The following ZNF81 variants were observed in gnomAD, a reference collection of about 807,000 sequenced individuals.
The protein encoded by ZNF81 is zinc finger protein 81 (HFZ20).
A neutral mutation model predicts 32.3 loss-of-function variants in ZNF81; 5 were observed. The observed-to-expected ratio is 0.15, with a 90% CI of 0.08 to 0.33. The LOEUF is 0.33. Among genes scored for constraint, ZNF81 ranks in the 10% least tolerant of loss-of-function variants. The pLI, the probability that ZNF81 is intolerant of heterozygous loss-of-function variation, is 1.00. For missense variants in ZNF81, 379 were observed against 479.8 expected, an observed-to-expected ratio of 0.79 and a Z score of 1.96; for synonymous variants, 163 against 166.8, an observed-to-expected ratio of 0.98 and a Z score of 0.17.
Position 47,914,996 on chromosome X carries a change from G to T in ZNF81, c.350G>T (p.Gly117Val), listed in dbSNP as rs17147793. 2,591 of 1,204,611 alleles carry T rather than the reference G, an allele frequency of 2.2e-3. 36 individuals carry two copies. In the African/African-American group the frequency reaches 0.041, roughly 19 times the overall value. Reference sequence around the variant, plus strand: ...TCTACATTTCATAGTGAAATGGAGGGTGAAGACACAAGAGATGATTCATTA... The same window carrying T: ...TCTACATTTCATAGTGAAATGGAGGTTGAAGACACAAGAGATGATTCATTA... ...GKSTFHSEME[G>V]EDTRDDSLYS... is the part of the protein sequence containing the mutation. The change falls in exon 5 of 5, where the codon GGT (glycine) becomes GTT (valine). Residue 117 changes from glycine (G) to valine (V), a missense_variant. Around this residue, in one of 2 missense-constraint regions of ZNF81, gnomAD observed 277 missense variants for 306.6 expected, o/e 0.90. Transcript: ENST00000338637.
rs782443135 is a variant in ZNF81, at chrX:47,875,249, T to G, written c.55-12750T>G. 1.0e-3 allele frequency among the ~76,000 whole-genome samples: 115 copies of G among 112,440 alleles called. 2 individuals carry two copies. Among genetic ancestry groups the G allele is most frequent in the Admixed American group, 3.2e-3 (34 of 10,657 alleles). On this transcript the variant is annotated intron_variant, in intron 2 of 4. Coordinates refer to ENST00000338637, the MANE Select transcript of ZNF81 (RefSeq NM_007137.5). ...AATCCTTCCAAATAATTTTTAGCTT[T>G]CTTCTTAGAATGACATTCATCCCAT...
chrX:47,889,757 G>A (rs188421949), intron 3 of ZNF81, among the ~76,000 whole-genome samples: 22 of 111,703 alleles, frequency 2.0e-4, no homozygotes, highest in African/African-American at 4.2e-4. Context: ...CAATCATGGC[G>A]GAAGGCAAAG....
In ZNF81 at chrX:47,846,296, C is replaced by T. The variant is rs782369848; in HGVS notation, c.29C>T (p.Pro10Leu). 9.1e-6 allele frequency: 11 copies of T among 1,209,789 alleles called. No homozygotes were observed. In the South Asian group the frequency reaches 2.0e-4, roughly 21 times the overall value. MPANEDAPQPGEHGSACEVS... is the reference protein window; with the variant it reads MPANEDAPQLGEHGSACEVS... The stretch of plus-strand genomic sequence containing the variant: ...CCAGCTAACGAGGACGCTCCCCAGC[C>T]AGGGGAACATGGCAGTGCCTGTGAG... Residue 10 changes from proline (P) to leucine (L), a missense_variant, in exon 2 of 5, where the codon CCA (proline) becomes CTA (leucine). This residue lies in a region of ZNF81 where 277 missense variants were observed against 306.6 expected (regional missense o/e 0.90). Coordinates refer to ENST00000338637, the MANE Select transcript of ZNF81 (RefSeq NM_007137.5).
rs1556891463 is a variant in ZNF81 at position 47,919,000 on chromosome X, A to G, written c.*2368A>G. On this transcript the variant is annotated 3_prime_UTR_variant, in exon 5 of 5. Coordinates refer to ENST00000338637, the MANE Select transcript of ZNF81 (RefSeq NM_007137.5). Reference sequence around the variant, plus strand: ...GTAACTTGTCATTTAGCTCACAGGTATCTGGATCAAGAAACTGAAAAACTG... The same window carrying G: ...GTAACTTGTCATTTAGCTCACAGGTGTCTGGATCAAGAAACTGAAAAACTG... The G allele has an allele frequency of 7.5e-6, 2 of 265,287 alleles. No homozygotes were observed. The highest frequency in any genetic ancestry group is 2.0e-4 in the East Asian group (2 of 9,764). The allele number at this position is 265,287 out of a possible 1,213,427, so 21.9% of individuals were successfully genotyped here.
intron 1 of ZNF81, 86 bp from the exon 2 acceptor site, chrX:47,846,019 G>A (rs2058468815): frequency 4.3e-6 from 2 of 466,469 alleles, no homozygotes; most frequent in African/African-American, 2.4e-5. Context: ...AGTATCCAGT[G>A]CAGTGAACTG....
intron 2 of ZNF81, among the ~76,000 whole-genome samples, chrX:47,867,172 G>C (rs148597942): frequency 4.4e-4 from 49 of 111,467 alleles, no homozygotes; most frequent in African/African-American, 1.6e-3. Context: ...CTAGGTGATG[G>C]GTTGATAGGT....
At chrX:47,857,731 T>C (rs2058523115) in intron 2 of ZNF81, among the ~76,000 whole-genome samples, 2 of 111,431 alleles carry the variant, frequency 1.8e-5, no homozygotes, top group South Asian at 7.4e-4. Context: ...CCTTATCCAC[T>C]CCCAGCCAAG....
chrX:47,885,111 G>A (rs782589902), intron 2 of ZNF81, among the ~76,000 whole-genome samples: 66 of 112,286 alleles, frequency 5.9e-4, no homozygotes, highest in African/African-American at 2.0e-3. Context: ...ATCCAACTGT[G>A]TTTTAGCCTC....
At chrX:47,859,217 C>T (rs1207204669) in intron 2 of ZNF81, among the ~76,000 whole-genome samples, 4 of 111,350 alleles carry the variant, frequency 3.6e-5, no homozygotes, top group Non-Finnish European at 7.5e-5. Flanking sequence ...TATTATAACA[C>T]TATTAACTGT....
Position 47,893,119 on chromosome X carries a change from G to A in ZNF81, c.182-2726G>A, listed in dbSNP as rs563432970. ...GCTTTTAGGGTTCCCTCAGTCTCTT[G>A]AGAGCCCCTGATGGGAGGAGGGGTC... On this transcript the variant is annotated intron_variant, in intron 3 of 4. Transcript: ENST00000338637. Among the ~76,000 whole-genome samples the A allele has an allele frequency of 1.7e-4, 19 of 111,242 alleles. No homozygotes were observed. In the South Asian group the frequency reaches 7.3e-3, roughly 43 times the overall value.
intron 2 of ZNF81, among the ~76,000 whole-genome samples, chrX:47,864,756 A>G (rs1222685353): frequency 8.9e-6 from 1 of 111,773 alleles, no homozygotes; most frequent in African/African-American, 3.3e-5. Context: ...GATCCTTACC[A>G]TAGGCATCTA....
rs782618251 is a variant in ZNF81 at position 47,847,277 on chromosome X, C to G, written c.54+956C>G. Among the ~76,000 whole-genome samples the G allele has an allele frequency of 2.7e-5, 3 of 111,328 alleles. No homozygotes were observed. In the East Asian group the frequency reaches 8.5e-4, roughly 31 times the overall value. Reference sequence around the variant, plus strand: ...TTGCCCAGGTTGAAGCGCAGTGGCACGATCATAGCTTACTGCAACCTCGAA... The same window carrying G: ...TTGCCCAGGTTGAAGCGCAGTGGCAGGATCATAGCTTACTGCAACCTCGAA... On this transcript the variant is annotated intron_variant, in intron 2 of 4. Coordinates refer to ENST00000338637, the MANE Select transcript of ZNF81 (RefSeq NM_007137.5).
chrX:47,853,109 T>C (rs1270811029), intron 2 of ZNF81, among the ~76,000 whole-genome samples: 2 of 111,306 alleles, frequency 1.8e-5, no homozygotes, highest in African/African-American at 6.5e-5. Flanking sequence ...GTGTCAACAG[T>C]GGTCTTAAAA....
intron 2 of ZNF81, among the ~76,000 whole-genome samples, chrX:47,878,452 T>G (rs2058608141): frequency 8.9e-6 from 1 of 112,232 alleles, no homozygotes; most frequent in East Asian, 2.8e-4. Context: ...ACCTCTCATG[T>G]TTTCAGTATG....
chrX:47,852,009 C>T lies in ZNF81; in HGVS notation c.54+5688C>T, dbSNP rs191678045. Among the ~76,000 whole-genome samples the T allele has an allele frequency of 5.3e-5, 6 of 112,257 alleles. No homozygotes were observed. In the East Asian group the frequency reaches 1.1e-3, roughly 21 times the overall value. ...ATACAGGCATACCTTGGAGATATTG[C>T]GGGTTCGATTCCAGACCACTGCAAT... is the stretch of plus-strand genomic sequence containing the variant. On this transcript the variant is annotated intron_variant, in intron 2 of 4. Coordinates refer to ENST00000338637, the MANE Select transcript of ZNF81 (RefSeq NM_007137.5).
chrX:47,916,824 A>T lies in ZNF81; in HGVS notation c.*192A>T. The T allele has an allele frequency of 2.5e-6, 1 of 408,083 alleles. No individual in the cohort carries two copies. Among genetic ancestry groups the T allele is most frequent in the Non-Finnish European group, 3.9e-6 (1 of 254,788 alleles). 33.6% of individuals were successfully genotyped at this position (408,083 alleles called of 1,213,427 possible). ...CTCTTAAAAATGCATTGAAGGAGAG[A>T]GAATTTGCACAGCCTCATGAAATAT... On this transcript the variant is annotated 3_prime_UTR_variant, in exon 5 of 5. Transcript: ENST00000338637.
At chrX:47,905,052 A>G (rs1421780478) in intron 4 of ZNF81, among the ~76,000 whole-genome samples, 1 of 107,628 alleles carries the variant, frequency 9.3e-6, no homozygotes. Context: ...ATCACACACC[A>G]GGGACTGTTG....
At chrX:47,884,139 G>A (rs1486763085) in intron 2 of ZNF81, among the ~76,000 whole-genome samples, 3 of 107,373 alleles carry the variant, frequency 2.8e-5, no homozygotes, top group African/African-American at 6.8e-5. Flanking sequence ...CCAGCTGCTC[G>A]GGAGGCTGAG....
chrX:47,863,867 C>T (rs966046043), intron 2 of ZNF81, among the ~76,000 whole-genome samples: 9 of 111,667 alleles, frequency 8.1e-5, no homozygotes, highest in African/African-American at 2.6e-4. Flanking sequence ...TTTCTAATTG[C>T]GTAATTCCTT....
Sources: gnomAD v4.1 joint callset for allele counts (sites outside exome capture counted in the v4.1 genomes callset) on GRCh38, gnomAD v4.1.1 for gene constraint, gnomAD v4.1.1 regional missense constraint, MANE v1.5 for transcripts, NCBI Gene and HGNC (gene_info 2026-07-23, HGNC 2026-07-21) for gene names.